LDAH: variants seen among roughly 807,000 people sequenced by gnomAD.
LDAH encodes lipid droplet-associated hydrolase.
A neutral mutation model predicts 29.6 loss-of-function variants in LDAH; 26 were observed. The observed-to-expected ratio is 0.88, with a 90% CI of 0.64 to 1.22. The LOEUF (loss-of-function observed/expected upper bound fraction) is 1.22. Ranked by LOEUF, LDAH falls within the 50% of genes most tolerant of loss-of-function variation. The pLI is 0.00. For synonymous variants in LDAH, 117 were observed against 133.0 expected, an observed-to-expected ratio of 0.88 and a Z score of 0.83; for missense variants, 344 against 387.3, an observed-to-expected ratio of 0.89 and a Z score of 0.94.
chr2:20,718,823 C>T (rs1056977352), intron 5 of LDAH, among the ~76,000 whole-genome samples: 4 of 151,998 alleles, frequency 2.6e-5, no homozygotes, highest in African/African-American at 9.7e-5. Flanking sequence ...TATTTTCTGA[C>T]CACAATGGAA....
chr2:20,727,032 A>T (rs1347304804), intron 5 of LDAH, among the ~76,000 whole-genome samples: 1 of 152,172 alleles, frequency 6.6e-6, no homozygotes, highest in African/African-American at 2.4e-5. Context: ...CAAACAAAAA[A>T]ACCTTTTCCT....
chr2:20,737,888 G>A (rs2149436900), intron 5 of LDAH, among the ~76,000 whole-genome samples: 1 of 152,280 alleles, frequency 6.6e-6, no homozygotes. Context: ...AACAGACTCA[G>A]ACTTGGGAGT....
At chr2:20,742,282 T>C in intron 4 of LDAH, among the ~76,000 whole-genome samples, 1 of 152,336 alleles carries the variant, frequency 6.6e-6, no homozygotes, top group African/African-American at 2.4e-5. Flanking sequence ...TCTTGTTGGA[T>C]GAAGTAGTCT....
At chr2:20,682,853 G>C (rs946747894), downstream of LDAH, among the ~76,000 whole-genome samples, 3 of 152,186 alleles carry the variant, frequency 2.0e-5, no homozygotes, top group African/African-American at 7.2e-5. Flanking sequence ...AGGCACCTCA[G>C]TGGTAATCTG....
In LDAH at chr2:20,764,411, T is replaced by G. The variant is rs551193676; in HGVS notation, c.468+10399A>C. Among the ~76,000 whole-genome samples the G allele has an allele frequency of 2.7e-3, 417 of 152,340 alleles. 1 individual carries two copies. Among genetic ancestry groups the G allele is most frequent in the African/African-American group, 9.5e-3 (396 of 41,596 alleles). On this transcript the variant is annotated intron_variant, in intron 4 of 6. Coordinates refer to ENST00000237822, the MANE Select transcript of LDAH (RefSeq NM_021925.4). The stretch of plus-strand genomic sequence containing the variant: ...CACATAGAGGTAACTGTCAAACTAC[T>G]ATGCACTATGTTTGCAGAATCCTCC...
rs1056825334 is a variant in LDAH, at chr2:20,712,223, C to T, written c.704-10571G>A. Among the ~76,000 whole-genome samples, 4 of 152,324 alleles carry T rather than the reference C, an allele frequency of 2.6e-5. No homozygotes were observed. The South Asian group carries it at 8.3e-4, about 32-fold the overall frequency. On this transcript the variant is annotated intron_variant, in intron 5 of 6. Transcript: ENST00000237822. ...AATATTTGCTGTTCTGCAGCCTCCG[C>T]TGGTGATACCCAGGCAAGCAGGGTC... is the stretch of plus-strand genomic sequence containing the variant.
At chr2:20,690,839 T>C (rs1350325962) in intron 6 of LDAH, among the ~76,000 whole-genome samples, 1 of 152,122 alleles carries the variant, frequency 6.6e-6, no homozygotes, top group Non-Finnish European at 1.5e-5. Flanking sequence ...CCGAGAGCAA[T>C]GGCCAGGCTC....
chr2:20,785,641 C>A (rs763710505), intron 3 of LDAH, among the ~76,000 whole-genome samples: 7 of 152,160 alleles, frequency 4.6e-5, no homozygotes, highest in Non-Finnish European at 7.4e-5. Flanking sequence ...ATCTGGTATT[C>A]CAATTATGCA....
intron 4 of LDAH, among the ~76,000 whole-genome samples, chr2:20,770,667 A>C (rs115794113): frequency 2.0e-4 from 30 of 152,090 alleles, no homozygotes; most frequent in African/African-American, 7.0e-4. Context: ...GGGGTTTCCT[A>C]CTCTTGGAGC....
At chr2:20,779,801 A>T (rs894774354) in intron 3 of LDAH, among the ~76,000 whole-genome samples, 11 of 147,548 alleles carry the variant, frequency 7.5e-5, no homozygotes, top group African/African-American at 1.3e-4. Context: ...AAATAAATTT[A>T]AAAAAAAGAA....
At chr2:20,797,414 G>A (rs1015642191) in intron 2 of LDAH, among the ~76,000 whole-genome samples, 1 of 152,172 alleles carries the variant, frequency 6.6e-6, no homozygotes, top group Non-Finnish European at 1.5e-5. Flanking sequence ...ATAAAAGAAA[G>A]AGCTTCAGAC....
intron 5 of LDAH, among the ~76,000 whole-genome samples, chr2:20,704,759 G>A (rs1664188238): frequency 6.6e-6 from 1 of 152,076 alleles, no homozygotes; most frequent in South Asian, 2.1e-4. Context: ...ACATCATTTT[G>A]TCTTTCCTAG....
chr2:20,703,496 T>C (rs201056591), intron 5 of LDAH, among the ~76,000 whole-genome samples: 1 of 152,246 alleles, frequency 6.6e-6, no homozygotes, highest in Admixed American at 6.5e-5. Context: ...TATTTTGAAT[T>C]ATTCTATTCT....
chr2:20,721,973 T>A (rs1665680196), intron 5 of LDAH, among the ~76,000 whole-genome samples: 1 of 152,172 alleles, frequency 6.6e-6, no homozygotes, highest in Non-Finnish European at 1.5e-5. Context: ...AAGAATGAAA[T>A]CCTGTCATTT....
At chr2:20,696,276 C>T (rs1217481401) in intron 6 of LDAH, among the ~76,000 whole-genome samples, 1 of 152,188 alleles carries the variant, frequency 6.6e-6, no homozygotes, top group Non-Finnish European at 1.5e-5. Context: ...GGTTTGCTCC[C>T]AAAGGCAACA....
chr2:20,789,268 A>C (rs1183851069), intron 3 of LDAH: 2 of 1,550,410 alleles, frequency 1.3e-6, no homozygotes, highest in African/African-American at 2.7e-5. Flanking sequence ...TGGGGTCATG[A>C]GGGTAGAGCC....
intron 5 of LDAH, among the ~76,000 whole-genome samples, chr2:20,711,986 T>G (rs1254083940): frequency 1.3e-5 from 2 of 152,242 alleles, no homozygotes; most frequent in Non-Finnish European, 2.9e-5. Context: ...AGCAGAAACT[T>G]CTGCAGACTT....
intron 3 of LDAH, among the ~76,000 whole-genome samples, chr2:20,778,794 C>G (rs1460618640): frequency 1.3e-5 from 2 of 152,074 alleles, no homozygotes; most frequent in Non-Finnish European, 1.5e-5. Context: ...CCTTTTCCCA[C>G]TCTACCCAAG....
At chr2:20,817,489 A>C (rs936746481) in intron 1 of LDAH, among the ~76,000 whole-genome samples, 9 of 152,130 alleles carry the variant, frequency 5.9e-5, no homozygotes, top group Non-Finnish European at 1.3e-4. Flanking sequence ...ACCTTAACAA[A>C]ATATTAGCAA....
Sources: allele counts gnomAD v4.1 joint callset (sites outside exome capture counted in the v4.1 genomes callset), GRCh38; gene constraint gnomAD v4.1.1; transcripts MANE v1.5; gene names NCBI Gene and HGNC (gene_info 2026-07-23, HGNC 2026-07-21).